The following LRFN5 variants were observed in gnomAD, a reference collection of about 807,000 sequenced individuals.
LRFN5 encodes the protein leucine rich repeat and fibronectin type III domain containing 5, also known as leucine-rich repeat and fibronectin type-III domain-containing protein 5.
A neutral mutation model predicts 45.6 loss-of-function variants in LRFN5; 24 were observed. The ratio of observed to expected loss-of-function variants is 0.53; its 90% CI spans 0.38 to 0.74. The LOEUF (loss-of-function observed/expected upper bound fraction) is 0.74. LRFN5 is among the 30% of genes least tolerant of loss of function. LRFN5 has a pLI of 0.00. For missense variants in LRFN5, 776 were observed against 861.5 expected, an observed-to-expected ratio of 0.90 and a Z score of 1.24; for synonymous variants, 340 against 313.8, an observed-to-expected ratio of 1.08 and a Z score of -0.88.
At chr14:41,693,645 A>G (rs558133311) in intron 1 of LRFN5, among the ~76,000 whole-genome samples, 1 of 152,062 alleles carries the variant, frequency 6.6e-6, no homozygotes, top group African/African-American at 2.4e-5. Flanking sequence ...GCTTTTACAT[A>G]TTAACTTTGT....
chr14:41,893,244 C>T (rs1052104224), intron 4 of LRFN5: 15 of 959,308 alleles, frequency 1.6e-5, no homozygotes, highest in Non-Finnish European at 1.6e-5. Flanking sequence ...TAATGTTGCT[C>T]CTGGATAATA....
chr14:41,729,204 G>T (rs1275720271), intron 1 of LRFN5, among the ~76,000 whole-genome samples: 4 of 152,150 alleles, frequency 2.6e-5, no homozygotes, highest in Non-Finnish European at 5.9e-5. Context: ...GATCCCTTGT[G>T]AATGGCTTAG....
At chr14:41,799,530 C>T (rs1192705222) in intron 2 of LRFN5, among the ~76,000 whole-genome samples, 1 of 151,888 alleles carries the variant, frequency 6.6e-6, no homozygotes, top group East Asian at 1.9e-4. Context: ...CTCCATTTTC[C>T]AATACTATAA....
chr14:41,856,171 G>T (rs1315084915), intron 2 of LRFN5, among the ~76,000 whole-genome samples: 1 of 152,150 alleles, frequency 6.6e-6, no homozygotes, highest in Non-Finnish European at 1.5e-5. Context: ...AGCAAATATA[G>T]CAAATGTACT....
intron 2 of LRFN5, among the ~76,000 whole-genome samples, chr14:41,820,436 A>G (rs935160831): frequency 2.6e-5 from 4 of 151,814 alleles, no homozygotes; most frequent in Non-Finnish European, 4.4e-5. Flanking sequence ...TATTGGCTTC[A>G]TTTCTGAGTT....
intron 1 of LRFN5, among the ~76,000 whole-genome samples, chr14:41,682,488 T>C (rs1455615267): frequency 1.3e-5 from 2 of 151,850 alleles, no homozygotes; most frequent in African/African-American, 4.8e-5. Flanking sequence ...AGAGCAGAAA[T>C]AAATGAAATT....
At chr14:41,873,777 C>A (rs942429188) in intron 2 of LRFN5, among the ~76,000 whole-genome samples, 5 of 152,248 alleles carry the variant, frequency 3.3e-5, no homozygotes, top group African/African-American at 1.2e-4. Flanking sequence ...CATCTCCATA[C>A]TGATGATCAT....
At chr14:41,871,219 T>C (rs1277063333) in intron 2 of LRFN5, among the ~76,000 whole-genome samples, 1 of 151,948 alleles carries the variant, frequency 6.6e-6, no homozygotes, top group African/African-American at 2.4e-5. Context: ...GCTTTGCCAA[T>C]TGAAAAATTA....
intron 2 of LRFN5, among the ~76,000 whole-genome samples, chr14:41,860,580 A>G (rs879477069): frequency 6.6e-6 from 1 of 152,192 alleles, no homozygotes; most frequent in Non-Finnish European, 1.5e-5. Flanking sequence ...GCATACTTCT[A>G]TGTTATATTT....
intron 2 of LRFN5, among the ~76,000 whole-genome samples, chr14:41,839,188 A>G (rs960617365): frequency 6.6e-6 from 1 of 152,152 alleles, no homozygotes; most frequent in Admixed American, 6.6e-5. Context: ...TATTAATTAC[A>G]GCTATCTCCT....
At chr14:41,829,188 C>G (rs1888395422) in intron 2 of LRFN5, among the ~76,000 whole-genome samples, 1 of 151,978 alleles carries the variant, frequency 6.6e-6, no homozygotes, top group Non-Finnish European at 1.5e-5. Context: ...TCCACCTCCA[C>G]TATACTCTGC....
intron 1 of LRFN5, among the ~76,000 whole-genome samples, chr14:41,757,360 G>A (rs1013524775): frequency 6.6e-6 from 1 of 152,232 alleles, no homozygotes; most frequent in African/African-American, 2.4e-5. Flanking sequence ...CAGAGGTGAA[G>A]TCTACAGAGG....
intron 1 of LRFN5, among the ~76,000 whole-genome samples, chr14:41,720,375 G>A (rs898991999): frequency 6.6e-6 from 1 of 151,986 alleles, no homozygotes; most frequent in Admixed American, 6.6e-5. Context: ...CTTTGCTATT[G>A]TTAGTAGAAC....
intron 2 of LRFN5, among the ~76,000 whole-genome samples, chr14:41,773,481 T>G (rs936296873): frequency 3.3e-5 from 5 of 152,200 alleles, no homozygotes; most frequent in Non-Finnish European, 7.3e-5. Context: ...CTACATCAAT[T>G]TTGCTCAACA....
At chr14:41,870,414 A>G (rs1009522990) in intron 2 of LRFN5, among the ~76,000 whole-genome samples, 1 of 152,124 alleles carries the variant, frequency 6.6e-6, no homozygotes, top group Admixed American at 6.6e-5. Flanking sequence ...GGTTTAATTG[A>G]CTCACAGTTC....
intron 2 of LRFN5, among the ~76,000 whole-genome samples, chr14:41,854,188 A>G (rs956817496): frequency 1.3e-5 from 2 of 152,090 alleles, no homozygotes; most frequent in Non-Finnish European, 2.9e-5. Flanking sequence ...TCATTGTTCA[A>G]TTCCCACCTA....
At chr14:41,826,251 A>T (rs1309875320) in intron 2 of LRFN5, among the ~76,000 whole-genome samples, 1 of 152,152 alleles carries the variant, frequency 6.6e-6, no homozygotes, top group Non-Finnish European at 1.5e-5. Flanking sequence ...CATTATGAAG[A>T]TTATGTAGAT....
intron 1 of LRFN5, among the ~76,000 whole-genome samples, chr14:41,622,614 G>A (rs1888175582): frequency 1.3e-5 from 2 of 151,662 alleles, no homozygotes; most frequent in South Asian, 4.2e-4. Flanking sequence ...ACAAGGTTGT[G>A]GAAATATAAT....
intron 2 of LRFN5, among the ~76,000 whole-genome samples, chr14:41,830,362 A>C (rs2139031972): frequency 6.6e-6 from 1 of 152,264 alleles, no homozygotes; most frequent in Non-Finnish European, 1.5e-5. Context: ...TATGATCCTT[A>C]AAAGTCAAAG....
Sources: allele counts gnomAD v4.1 joint callset (sites outside exome capture counted in the v4.1 genomes callset), GRCh38; gene constraint gnomAD v4.1.1; transcripts MANE v1.5; gene names NCBI Gene and HGNC (gene_info 2026-07-23, HGNC 2026-07-21).